Variants in NEGR1 observed in about 807,000 individuals in gnomAD.
NEGR1 encodes IgLON family member 4.
A neutral mutation model predicts 40.9 loss-of-function variants in NEGR1; 10 were observed. That is an observed-to-expected ratio of 0.24 (90% CI 0.15 to 0.42). NEGR1 has a LOEUF of 0.42. NEGR1 is among the 10% of genes least tolerant of loss of function. The pLI, the probability that NEGR1 is intolerant of heterozygous loss-of-function variation, is 1.00. For synonymous variants in NEGR1, 185 were observed against 166.8 expected, an observed-to-expected ratio of 1.11 and a Z score of -0.84; for missense variants, 352 against 438.9, an observed-to-expected ratio of 0.80 and a Z score of 1.77.
intron 4 of NEGR1, among the ~76,000 whole-genome samples, chr1:71,664,830 T>C (rs1369761074): frequency 1.3e-5 from 2 of 152,200 alleles, no homozygotes; most frequent in African/African-American, 2.4e-5. Context: ...AAGTTGATCC[T>C]ACTATTGCAG....
intron 2 of NEGR1, among the ~76,000 whole-genome samples, chr1:71,886,176 G>A (rs1221355603): frequency 1.3e-5 from 2 of 152,052 alleles, no homozygotes; most frequent in Non-Finnish European, 2.9e-5. Flanking sequence ...TATAACAAAA[G>A]GGCTTAGATT....
At chr1:72,198,493 G>GA (rs199637362) in intron 1 of NEGR1, among the ~76,000 whole-genome samples, 1,967 of 151,178 alleles carry the variant, frequency 0.013, 43 homozygotes, top group African/African-American at 0.046. Flanking sequence ...GTAATGTGTG[G>GA]AAAAAAAAAT....
At chr1:72,178,325 T>A (rs544841685) in intron 1 of NEGR1, among the ~76,000 whole-genome samples, 3 of 152,138 alleles carry the variant, frequency 2.0e-5, no homozygotes, top group Non-Finnish European at 2.9e-5. Context: ...AAACAGAGTA[T>A]ACTACATTTA....
intron 2 of NEGR1, among the ~76,000 whole-genome samples, chr1:71,932,550 A>G (rs1360516641): frequency 1.3e-5 from 2 of 152,084 alleles, no homozygotes; most frequent in East Asian, 1.9e-4. Context: ...TTTCTCAAAC[A>G]TAGTGTCTGT....
intron 6 of NEGR1, among the ~76,000 whole-genome samples, chr1:71,549,352 T>C (rs1187486194): frequency 1.3e-5 from 2 of 151,678 alleles, no homozygotes; most frequent in African/African-American, 4.8e-5. Flanking sequence ...AAAAGTTATC[T>C]TTGTTCAACT....
Position 71,903,740 on chromosome 1 carries a change from C to T in NEGR1, c.409+31339G>A, listed in dbSNP as rs1319643820. Among the ~76,000 whole-genome samples, 6 of 151,916 alleles carry T rather than the reference C, an allele frequency of 3.9e-5. No individual in the cohort carries two copies. In the East Asian group the frequency reaches 7.7e-4, roughly 20 times the overall value. On this transcript the variant is annotated intron_variant, in intron 2 of 6. Coordinates refer to ENST00000357731, the MANE Select transcript of NEGR1 (RefSeq NM_173808.3). ...ATATATGTATATATGTACACACACA[C>T]ACACATCCCTAATACATAGCCCTCT...
intron 6 of NEGR1, among the ~76,000 whole-genome samples, chr1:71,415,647 C>T (rs1222731090): frequency 1.3e-5 from 2 of 152,092 alleles, no homozygotes; most frequent in Non-Finnish European, 1.5e-5. Flanking sequence ...TTTTATTATC[C>T]TTCCTAGTTG....
chr1:71,867,286 A>C (rs920373207), intron 2 of NEGR1, among the ~76,000 whole-genome samples: 9 of 152,338 alleles, frequency 5.9e-5, no homozygotes, highest in Admixed American at 1.3e-4. Flanking sequence ...AGGCAGGAGA[A>C]TTGCTTGAAC....
intron 6 of NEGR1, among the ~76,000 whole-genome samples, chr1:71,492,005 A>G (rs1646932942): frequency 6.6e-6 from 1 of 152,078 alleles, no homozygotes; most frequent in African/African-American, 2.4e-5. Context: ...GGCATCACAG[A>G]CCTGTCTCCC....
intron 1 of NEGR1, among the ~76,000 whole-genome samples, chr1:72,196,932 GT>G (rs1353379585): frequency 1.3e-5 from 2 of 151,918 alleles, no homozygotes; most frequent in Non-Finnish European, 2.9e-5. Flanking sequence ...TGTGTGCCAT[GT>G]TACAGTGGCA....
intron 6 of NEGR1, among the ~76,000 whole-genome samples, chr1:71,418,149 A>G (rs1342770617): frequency 6.6e-6 from 1 of 150,734 alleles, no homozygotes; most frequent in African/African-American, 2.4e-5. Context: ...GTTGAGATAG[A>G]CCTTTCTCCT....
At chr1:71,452,404 G>A (rs1351629378) in intron 6 of NEGR1, among the ~76,000 whole-genome samples, 1 of 152,158 alleles carries the variant, frequency 6.6e-6, no homozygotes, top group Non-Finnish European at 1.5e-5. Flanking sequence ...TACAACTAAA[G>A]TGTTGAAATT....
At chr1:71,952,416 G>A (rs1292491933) in intron 1 of NEGR1, among the ~76,000 whole-genome samples, 1 of 151,926 alleles carries the variant, frequency 6.6e-6, no homozygotes, top group Admixed American at 6.6e-5. Flanking sequence ...CCAGAGTATG[G>A]CTCTAACTAT....
At chr1:71,685,705 C>G (rs910577553) in intron 4 of NEGR1, among the ~76,000 whole-genome samples, 1 of 152,136 alleles carries the variant, frequency 6.6e-6, no homozygotes. Context: ...CCCTTCCTCC[C>G]CACACCAAAT....
chr1:72,071,375 A>C (rs1307443623), intron 1 of NEGR1, among the ~76,000 whole-genome samples: 1 of 152,150 alleles, frequency 6.6e-6, no homozygotes. Flanking sequence ...ATTCCAGCCT[A>C]TAAAATATTC....
intron 1 of NEGR1, among the ~76,000 whole-genome samples, chr1:72,133,423 G>GA (rs1650330439): frequency 6.6e-6 from 1 of 151,904 alleles, no homozygotes; most frequent in South Asian, 2.1e-4. Context: ...TAAGGAAAGG[G>GA]AAAAAATAGG....
intron 1 of NEGR1, among the ~76,000 whole-genome samples, chr1:72,276,900 A>G (rs1656068341): frequency 6.6e-6 from 1 of 151,928 alleles, no homozygotes. Flanking sequence ...AGCCAAATAG[A>G]AGGTGGTAAG....
At chr1:71,652,506 T>C (rs1042839345) in intron 4 of NEGR1, among the ~76,000 whole-genome samples, 1 of 152,126 alleles carries the variant, frequency 6.6e-6, no homozygotes, top group African/African-American at 2.4e-5. Flanking sequence ...TATACTACAA[T>C]ATTAGCATTG....
intron 1 of NEGR1, among the ~76,000 whole-genome samples, chr1:71,972,543 A>G (rs1440184104): frequency 6.6e-6 from 1 of 152,146 alleles, no homozygotes; most frequent in Non-Finnish European, 1.5e-5. Context: ...TCCCTTTTAC[A>G]TCTTAAACTT....
Sources: gnomAD v4.1 joint callset for allele counts (sites outside exome capture counted in the v4.1 genomes callset) on GRCh38, gnomAD v4.1.1 for gene constraint, MANE v1.5 for transcripts, NCBI Gene and HGNC (gene_info 2026-07-23, HGNC 2026-07-21) for gene names.